The following PAICS variants were observed in gnomAD, a reference collection of about 807,000 sequenced individuals.
The protein encoded by PAICS is bifunctional phosphoribosylaminoimidazole carboxylase/phosphoribosylaminoimidazole succinocarboxamide synthetase.
PAICS carries 33 observed loss-of-function variants against 53.7 expected under a neutral mutation model. The observed-to-expected ratio is 0.61, with a 90% CI of 0.47 to 0.82. PAICS has a LOEUF of 0.82. Ranked by LOEUF, PAICS falls within the 40% of genes least tolerant of loss-of-function variation. The pLI is 0.00. For synonymous variants in PAICS, 141 were observed against 167.2 expected, an observed-to-expected ratio of 0.84 and a Z score of 1.21; for missense variants, 394 against 494.1, an observed-to-expected ratio of 0.80 and a Z score of 1.92.
chr4:56,432,160 T>C (rs1578139215), upstream of PAICS, among the ~76,000 whole-genome samples: 1 of 152,196 alleles, frequency 6.6e-6, no homozygotes, highest in African/African-American at 2.4e-5. Flanking sequence ...GATTAGATTA[T>C]ACCCAAGACA....
chr4:56,441,669 A>G lies in PAICS; in HGVS notation c.23A>G (p.Asn8Ser), dbSNP rs748878127. MATAEVL[N>S]IGKKLYEGKT... ...TTCCATTTTATTTCCACAGTACTGA[A>G]CATTGGTAAAAAATTATATGAGGGT... Residue 8 changes from asparagine to serine, a missense_variant, in exon 2 of 9, where the codon AAC becomes AGC. By Grantham distance (46) the Asn-to-Ser change is conservative. Around this residue, in one of 3 missense-constraint regions of PAICS, gnomAD observed 168 missense variants for 199.3 expected, o/e 0.84. Transcript: ENST00000512576. 1 of 1,563,038 alleles carries G rather than the reference A, an allele frequency of 6.4e-7. No individual in the cohort carries two copies. Among genetic ancestry groups the G allele is most frequent in the Admixed American group, 1.9e-5 (1 of 51,686 alleles).
chr4:56,435,698 G>T, upstream of PAICS: 1 of 1,463,688 alleles, frequency 6.8e-7, no homozygotes, highest in Middle Eastern at 2.0e-4. Flanking sequence ...AGCGAGGGCG[G>T]AGGGGCGGTC....
the PAICS span, chr4:56,410,931 A>C: frequency 1.1e-6 from 1 of 938,258 alleles, no homozygotes; most frequent in Non-Finnish European, 1.3e-6. Flanking sequence ...AAAAAAAAGA[A>C]AAGTACTCTT....
the PAICS span, chr4:56,416,304 G>C: frequency 7.9e-3 from 1,754 of 222,034 alleles, 15 homozygotes; most frequent in Non-Finnish European, 7.6e-3. Flanking sequence ...AAAGCTATTA[G>C]AATTATCAGT....
At chr4:56,436,644 C>A (rs1037099258) in intron 1 of PAICS, 10 of 631,614 alleles carry the variant, frequency 1.6e-5, no homozygotes, top group Non-Finnish European at 2.9e-5. Context: ...CTGAGTCTTG[C>A]TTTGCCCGTT....
intron 1 of PAICS, among the ~76,000 whole-genome samples, chr4:56,437,819 CAA>C (rs869109998): frequency 2.2e-3 from 48 of 21,594 alleles, no homozygotes; most frequent in South Asian, 6.0e-3. Context: ...GACTCTGTCT[CAA>C]AAAAAAAAAA....
At chr4:56,457,562 G>A (rs1719279655) in intron 8 of PAICS, among the ~76,000 whole-genome samples, 1 of 152,024 alleles carries the variant, frequency 6.6e-6, no homozygotes, top group East Asian at 1.9e-4. Context: ...CCCTTCCAAA[G>A]GTATCTGGTG....
At chr4:56,422,750 TAAC>T in the PAICS span, 1 of 152,178 alleles carries the variant, frequency 6.6e-6, no homozygotes, top group Non-Finnish European at 1.5e-5. Context: ...AATTATGTTA[TAAC>T]ATTATATGAA....
At chr4:56,439,594 A>C (rs1257659524) in intron 1 of PAICS, among the ~76,000 whole-genome samples, 1 of 152,062 alleles carries the variant, frequency 6.6e-6, no homozygotes, top group East Asian at 1.9e-4. Context: ...CAAAGCTACT[A>C]TCTTAAATAT....
chr4:56,411,504 T>C, the PAICS span, among the ~76,000 whole-genome samples: 46 of 152,222 alleles, frequency 3.0e-4, 1 homozygote, highest in South Asian at 7.1e-3. Context: ...TTTACAGGGG[T>C]TTCTTGACGT....
chr4:56,438,369 GTT>G (rs1718131465), intron 1 of PAICS, among the ~76,000 whole-genome samples: 2 of 44,624 alleles, frequency 4.5e-5, no homozygotes, highest in Admixed American at 5.6e-4. Flanking sequence ...GGTGCAATGT[GTT>G]TATATATATA....
intron 6 of PAICS, 54 bp downstream of exon 6, chr4:56,450,756 T>C (rs2110092278): frequency 1.1e-6 from 1 of 896,182 alleles, no homozygotes; most frequent in East Asian, 2.6e-5. Flanking sequence ...TCTAAGAAAA[T>C]CTTGTTTCAA....
At chr4:56,435,645 T>A (rs1428025665), upstream of PAICS, 18 of 1,433,480 alleles carry the variant, frequency 1.3e-5, no homozygotes, top group African/African-American at 1.1e-4. Flanking sequence ...CTAGGTGGCG[T>A]GGCCAGCTCA....
At chr4:56,419,879 G>A in the PAICS span, 10 of 984,678 alleles carry the variant, frequency 1.0e-5, no homozygotes, top group Non-Finnish European at 1.2e-5. Flanking sequence ...ACGAATACAA[G>A]ATCGTAAGAA....
At chr4:56,455,668 T>C (rs1373914105) in intron 8 of PAICS, among the ~76,000 whole-genome samples, 1 of 152,226 alleles carries the variant, frequency 6.6e-6, no homozygotes, top group Non-Finnish European at 1.5e-5. Context: ...TAGAATCCTA[T>C]GCTGAAAATC....
In PAICS at chr4:56,457,260, A is replaced by C. The variant is rs1311638633; in HGVS notation, c.1112-2112A>C. Among the ~76,000 whole-genome samples, 6 of 152,254 alleles carry C rather than the reference A, an allele frequency of 3.9e-5. 1 individual carries two copies. In the South Asian group the frequency reaches 1.2e-3, roughly 32 times the overall value. ...AAACCCCATCTCTACCATAAATACAAAAATTAGCTAGGCATGGTGGCACAC... is the reference window on the plus strand; with the variant it reads ...AAACCCCATCTCTACCATAAATACACAAATTAGCTAGGCATGGTGGCACAC... On this transcript the variant is annotated intron_variant, in intron 8 of 8. Transcript: ENST00000512576.
the PAICS span, chr4:56,429,015 A>T: frequency 1.1e-6 from 1 of 950,056 alleles, no homozygotes; most frequent in Non-Finnish European, 1.3e-6. Flanking sequence ...GGTAAGAGCC[A>T]GAGAAATAAC....
chr4:56,442,354 T>C (rs754963809), intron 2 of PAICS, among the ~76,000 whole-genome samples: 5 of 152,166 alleles, frequency 3.3e-5, no homozygotes, highest in Non-Finnish European at 7.4e-5. Flanking sequence ...CCAAGTGAGA[T>C]ATTTGAACTA....
intron 2 of PAICS, chr4:56,446,232 A>C: frequency 1.7e-6 from 1 of 598,590 alleles, no homozygotes; most frequent in Non-Finnish European, 3.1e-6. Flanking sequence ...TCATCCCATT[A>C]TCCATTTCCA....
Sources: gnomAD v4.1 joint callset for allele counts (sites outside exome capture counted in the v4.1 genomes callset) on GRCh38, gnomAD v4.1.1 for gene constraint, gnomAD v4.1.1 regional missense constraint, MANE v1.5 for transcripts, NCBI Gene and HGNC (gene_info 2026-07-23, HGNC 2026-07-21) for gene names.